The following ARID2 variants were observed in gnomAD, a reference collection of about 807,000 sequenced individuals.
ARID2 encodes the protein AT-rich interaction domain 2.
A neutral mutation model predicts 184.6 loss-of-function variants in ARID2; 32 were observed. The observed-to-expected ratio is 0.17, with a 90% CI of 0.13 to 0.23. ARID2 has a LOEUF of 0.23. Ranked by LOEUF, ARID2 falls within the 10% of genes least tolerant of loss-of-function variation. ARID2 has a pLI of 1.00. For synonymous variants in ARID2, 836 were observed against 772.6 expected, an observed-to-expected ratio of 1.08 and a Z score of -1.36; for missense variants, 1,696 against 2,197.6, an observed-to-expected ratio of 0.77 and a Z score of 4.56.
chr12:45,848,281 A>G (rs1312054711), intron 12 of ARID2, among the ~76,000 whole-genome samples: 1 of 152,034 alleles, frequency 6.6e-6, no homozygotes, highest in Non-Finnish European at 1.5e-5. Context: ...TTAGTTTGTA[A>G]TGGATTACAA....
intron 20 of ARID2, among the ~76,000 whole-genome samples, chr12:45,898,687 G>T (rs1054673283): frequency 6.6e-6 from 1 of 151,860 alleles, no homozygotes; most frequent in Admixed American, 6.6e-5. Flanking sequence ...AGGCTGAGGC[G>T]GGCGGATCAT....
chr12:45,811,641 C>A (rs2138083522), intron 4 of ARID2, 90 bp downstream of exon 4: 1 of 1,361,704 alleles, frequency 7.3e-7, no homozygotes, highest in Non-Finnish European at 9.9e-7. Flanking sequence ...CCTTCCTTTG[C>A]ACATGAGAAC....
intron 6 of ARID2, among the ~76,000 whole-genome samples, chr12:45,824,679 A>G (rs905570114): frequency 6.6e-6 from 1 of 151,970 alleles, no homozygotes; most frequent in Admixed American, 6.6e-5. Context: ...GTTGATGGGA[A>G]AGTAAGTAAT....
At chr12:45,849,029 C>G in intron 13 of ARID2, 59 bp downstream of exon 13, 1 of 1,533,324 alleles carries the variant, frequency 6.5e-7, no homozygotes, top group Non-Finnish European at 8.8e-7. Context: ...ATCTCTTGCT[C>G]TTTAAAGAAA....
chr12:45,834,268 T>C (rs949528424), intron 6 of ARID2, among the ~76,000 whole-genome samples: 1 of 152,168 alleles, frequency 6.6e-6, no homozygotes, highest in East Asian at 1.9e-4. Flanking sequence ...ACCTTTTTTT[T>C]TTTTCTACCC....
Position 45,836,910 on chromosome 12 carries a change from T to G in ARID2, c.942T>G (p.Arg314=), listed in dbSNP as rs750758443. 35 of 1,614,132 alleles carry G rather than the reference T, an allele frequency of 2.2e-5. No individual in the cohort carries two copies. Among genetic ancestry groups the G allele is most frequent in the South Asian group, 1.5e-4 (14 of 91,088 alleles). Residue 314 remains arginine, a synonymous_variant, in exon 8 of 21, where the codon CGT becomes CGG. Transcript: ENST00000334344. Reference sequence around the variant, plus strand: ...TGGCAGCTAATCGTACCTGTCTTCGTTTCCTATTACTTTCTGCACATAGTC... The same window carrying G: ...TGGCAGCTAATCGTACCTGTCTTCGGTTCCTATTACTTTCTGCACATAGTC... ...KLLAANRTCL[R]FLLLSAHSHF... is the part of the protein sequence containing the mutation.
At chr12:45,839,553 C>T (rs1173184316) in intron 11 of ARID2, 57 bp downstream of exon 11, 4 of 1,538,086 alleles carry the variant, frequency 2.6e-6, no homozygotes, top group Non-Finnish European at 3.5e-6. Context: ...AGATTTGATC[C>T]TAAGAATAAA....
At chr12:45,869,611 C>T (rs1305117116) in intron 16 of ARID2, among the ~76,000 whole-genome samples, 2 of 152,034 alleles carry the variant, frequency 1.3e-5, no homozygotes, top group East Asian at 3.9e-4. Context: ...GGCCAGGTGT[C>T]GTGGCTCATG....
chr12:45,805,305 C>G (rs1942580170), intron 3 of ARID2, among the ~76,000 whole-genome samples: 1 of 151,702 alleles, frequency 6.6e-6, no homozygotes, highest in African/African-American at 2.4e-5. Context: ...ACCTATTTAC[C>G]TTAATATTAA....
At position 45,839,337 on chromosome 12, in the gene ARID2, G is replaced by T. The variant is rs369626187; in HGVS notation, c.1339G>T (p.Val447Leu). ...AKVEKSIDMLVCLVSMDIQMF... is the reference protein window; with the variant it reads ...AKVEKSIDMLLCLVSMDIQMF... ...CTTTTTATTTATTTTAGACATGTTA[G>T]TGTGTCTGGTTTCTATGGATATTCA... Residue 447 changes from valine (V) to leucine (L), a missense_variant, in exon 11 of 21, where the codon GTG (valine) becomes TTG (leucine). Val to Leu is a conservative substitution (Grantham distance 32). Transcript: ENST00000334344. The T allele has an allele frequency of 1.9e-6, 3 of 1,607,858 alleles. No individual in the cohort carries two copies. The highest frequency in any genetic ancestry group is 2.5e-6 in the Non-Finnish European group (3 of 1,178,140).
intron 6 of ARID2, among the ~76,000 whole-genome samples, chr12:45,821,896 G>A (rs983146704): frequency 2.0e-5 from 3 of 152,120 alleles, no homozygotes; most frequent in African/African-American, 7.2e-5. Context: ...TGTCCATCTA[G>A]AGGAAAATTT....
rs149367629 is a variant in ARID2 at position 45,852,087 on chromosome 12, A to T, written c.3964A>T (p.Ile1322Phe). Residue 1322 changes from isoleucine to phenylalanine, a missense_variant, in exon 15 of 21, where the codon ATC (isoleucine) becomes TTC (phenylalanine). By Grantham distance (21) the Ile-to-Phe change is conservative. Transcript: ENST00000334344. ...IQSETNQCSL[I>F]SNGPSLELGE... The stretch of plus-strand genomic sequence containing the variant: ...AAGTGAGACTAATCAGTGCTCACTA[A>T]TCAGTAATGGGCCATCATTGGAATT... The T allele has an allele frequency of 1.4e-4, 234 of 1,614,040 alleles. No homozygotes were observed. Among genetic ancestry groups the T allele is most frequent in the Non-Finnish European group, 1.9e-4 (223 of 1,180,018 alleles).
chr12:45,884,343 C>T (rs1944150288), intron 16 of ARID2, among the ~76,000 whole-genome samples: 1 of 152,110 alleles, frequency 6.6e-6, no homozygotes, highest in South Asian at 2.1e-4. Context: ...TTGCAGTGAG[C>T]AGAGATCATG....
At chr12:45,816,440 A>T (rs1164669824) in intron 4 of ARID2, among the ~76,000 whole-genome samples, 2 of 152,224 alleles carry the variant, frequency 1.3e-5, no homozygotes, top group Non-Finnish European at 2.9e-5. Flanking sequence ...GCTGGCCAGG[A>T]TGGAGAGCAA....
At chr12:45,879,420 C>T (rs1330899174) in intron 16 of ARID2, among the ~76,000 whole-genome samples, 1 of 152,222 alleles carries the variant, frequency 6.6e-6, no homozygotes, top group Non-Finnish European at 1.5e-5. Context: ...AGATCCTGGA[C>T]TCTGAAGGTA....
chr12:45,846,749 TA>T, intron 11 of ARID2, 106 bp from the exon 12 acceptor site: 1 of 933,910 alleles, frequency 1.1e-6, no homozygotes, highest in Non-Finnish European at 1.7e-6. Context: ...ATACACCTTT[TA>T]AAAAGGTATT....
chr12:45,872,518 C>T (rs1943942925), intron 16 of ARID2, among the ~76,000 whole-genome samples: 6 of 152,040 alleles, frequency 3.9e-5, no homozygotes, highest in African/African-American at 1.4e-4. Flanking sequence ...GCTGGGAAGG[C>T]CTCAGGAAAG....
At chr12:45,856,067 CTTTTTT>C (rs930473740) in intron 15 of ARID2, among the ~76,000 whole-genome samples, 3 of 74,616 alleles carry the variant, frequency 4.0e-5, no homozygotes, top group Non-Finnish European at 7.7e-5. Context: ...TTCTTCTTTT[CTTTTTT>C]TTTTTTTTTT....
Position 45,851,039 on chromosome 12 carries a change from TTCACCA to T in ARID2, c.2922_2927del (p.Ser975_Pro976del). ...GACAACCTAACATAACTCCATCTTC[TTCACCA>T]TCACCTGTCCCAGCTACTAATAACC... On this transcript the variant is annotated inframe_deletion, in exon 15 of 21. Coordinates refer to ENST00000334344, the MANE Select transcript of ARID2 (RefSeq NM_152641.4). The T allele has an allele frequency of 1.9e-6, 3 of 1,614,168 alleles. No individual in the cohort carries two copies. The highest frequency in any genetic ancestry group is 2.5e-6 in the Non-Finnish European group (3 of 1,180,000).
Sources: gnomAD v4.1 joint callset for allele counts (sites outside exome capture counted in the v4.1 genomes callset) on GRCh38, gnomAD v4.1.1 for gene constraint, MANE v1.5 for transcripts, NCBI Gene and HGNC (gene_info 2026-07-23, HGNC 2026-07-21) for gene names.